SLCO1A2: variants seen among roughly 807,000 people sequenced by gnomAD.
SLCO1A2 encodes solute carrier organic anion transporter family member 1A2, also known as OATP-1.
SLCO1A2 carries 67 observed loss-of-function variants against 69.0 expected under a neutral mutation model. The ratio of observed to expected loss-of-function variants is 0.97; its 90% confidence interval spans 0.80 to 1.19. SLCO1A2 has a LOEUF of 1.19. Ranked by LOEUF, SLCO1A2 falls within the 50% of genes most tolerant of loss-of-function variation. SLCO1A2 has a pLI of 0.00. For missense variants in SLCO1A2, 787 were observed against 793.7 expected (o/e 0.99, Z 0.10); for synonymous variants, 260 against 265.9 (o/e 0.98, Z 0.22).
chr12:21,308,973 G>A (rs1022598587), intron 4 of SLCO1A2, among the ~76,000 whole-genome samples: 20 of 152,300 alleles, frequency 1.3e-4, no homozygotes, highest in African/African-American at 4.8e-4. Context: ...GGAGGAGCCA[G>A]AGACCAAGAA....
At chr12:21,320,805 C>G (rs950641744) in intron 2 of SLCO1A2, among the ~76,000 whole-genome samples, 2 of 152,118 alleles carry the variant, frequency 1.3e-5, no homozygotes, top group African/African-American at 4.8e-5. Flanking sequence ...AGGCTTTTCT[C>G]TCTATTTTCA....
intron 1 of SLCO1A2, among the ~76,000 whole-genome samples, chr12:21,394,337 G>C (rs1941311397): frequency 6.6e-6 from 1 of 151,506 alleles, no homozygotes; most frequent in Admixed American, 6.6e-5. Flanking sequence ...TTTGAGACCA[G>C]CCTTGGCAAC....
chr12:21,285,859 C>T (rs1471305514), intron 12 of SLCO1A2, among the ~76,000 whole-genome samples: 1 of 152,038 alleles, frequency 6.6e-6, no homozygotes, highest in Non-Finnish European at 1.5e-5. Flanking sequence ...GGACGTATTT[C>T]AAAATAATAA....
intron 12 of SLCO1A2, among the ~76,000 whole-genome samples, chr12:21,282,539 A>T (rs1162108706): frequency 6.6e-6 from 1 of 152,174 alleles, no homozygotes; most frequent in Non-Finnish European, 1.5e-5. Flanking sequence ...CATAACAAGG[A>T]TGCCCACTTT....
intron 1 of SLCO1A2, among the ~76,000 whole-genome samples, chr12:21,414,126 C>T (rs1005274150): frequency 6.6e-6 from 1 of 152,120 alleles, no homozygotes; most frequent in African/African-American, 2.4e-5. Flanking sequence ...CTATCTCCAA[C>T]CTTCCCCCTG....
intron 2 of SLCO1A2, among the ~76,000 whole-genome samples, chr12:21,327,275 G>A (rs973193814): frequency 4.6e-5 from 7 of 152,198 alleles, no homozygotes; most frequent in Non-Finnish European, 7.3e-5. Context: ...GCAGAGGTAT[G>A]CTGCAGAGGC....
chr12:21,319,299 A>T (rs1951281335), intron 2 of SLCO1A2: 1 of 1,319,328 alleles, frequency 7.6e-7, no homozygotes, highest in Non-Finnish European at 1.0e-6. Flanking sequence ...AGAATGCAGA[A>T]TTATACAAAG....
In SLCO1A2 at chr12:21,318,749, ACAAAAAGAAGAAATG is replaced by A; in HGVS notation, c.202+18_202+32del. The A allele has an allele frequency of 6.4e-7, 1 of 1,572,136 alleles. No homozygotes were observed. The highest frequency in any genetic ancestry group is 8.6e-7 in the Non-Finnish European group (1 of 1,160,076). On this transcript the variant is annotated intron_variant, in intron 3 of 14. Transcript: ENST00000683939. Reference sequence around the variant, plus strand: ...ACTAGCTCCACAGATAAGACAAAATACAAAAAGAAGAAATGCAAAAATAATTCATTACCAATCTCA... The same window carrying A: ...ACTAGCTCCACAGATAAGACAAAATACAAAAATAATTCATTACCAATCTCA...
intron 1 of SLCO1A2, among the ~76,000 whole-genome samples, chr12:21,393,313 CT>C (rs1941253346): frequency 6.6e-6 from 1 of 152,106 alleles, no homozygotes; most frequent in Non-Finnish European, 1.5e-5. Flanking sequence ...CAAAAGCAAT[CT>C]AGGTAACAAT....
upstream of SLCO1A2, among the ~76,000 whole-genome samples, chr12:21,400,418 C>T (rs1230935785): frequency 1.0e-3 from 156 of 151,660 alleles, no homozygotes; most frequent in African/African-American, 3.6e-3. Flanking sequence ...AACACTTTTA[C>T]ACTGTTGGTG....
intron 2 of SLCO1A2, among the ~76,000 whole-genome samples, chr12:21,330,085 T>A (rs1952507482): frequency 1.3e-5 from 2 of 152,074 alleles, no homozygotes; most frequent in Non-Finnish European, 2.9e-5. Context: ...AGTGAAATAT[T>A]ACTTCTACAT....
At position 21,274,370 on chromosome 12, in the gene SLCO1A2, A is replaced by G. The variant is rs1848349457; in HGVS notation, c.1793+99T>C. On this transcript the variant is annotated intron_variant, in intron 14 of 14. Transcript: ENST00000683939. Reference sequence around the variant, plus strand: ...CTCTGCTGGAAATAACCACAAAAGTATTCTTTTCACTTGACAAAGAAAAAG... The same window carrying G: ...CTCTGCTGGAAATAACCACAAAAGTGTTCTTTTCACTTGACAAAGAAAAAG... The G allele has an allele frequency of 5.7e-6, 4 of 696,438 alleles. No individual in the cohort carries two copies. In the South Asian group the frequency reaches 6.1e-5, roughly 11 times the overall value. The allele number at this position is 696,438 out of a possible 1,614,324, so 43.1% of individuals were successfully genotyped here. A position where few individuals can be genotyped will look rare whatever the true frequency, so the allele number is the denominator to read the frequency against.
At chr12:21,367,644 ATACTCACAGCATAT>A (rs1939491031) in intron 2 of SLCO1A2, among the ~76,000 whole-genome samples, 1 of 152,140 alleles carries the variant, frequency 6.6e-6, no homozygotes, top group Admixed American at 6.5e-5. Flanking sequence ...AAAAAGGAAA[ATACTCACAGCATAT>A]TACTCAGTTC....
At chr12:21,289,230 C>T (rs1486326939) in intron 12 of SLCO1A2, among the ~76,000 whole-genome samples, 2 of 118,828 alleles carry the variant, frequency 1.7e-5, no homozygotes, top group Admixed American at 9.0e-5. Flanking sequence ...GTGTGTATGG[C>T]ATCACTAGAA....
At chr12:21,281,944 C>T (rs1356972213) in intron 12 of SLCO1A2, among the ~76,000 whole-genome samples, 1 of 151,954 alleles carries the variant, frequency 6.6e-6, no homozygotes, top group Non-Finnish European at 1.5e-5. Context: ...GTAATAAAGT[C>T]TCCAGCAAAG....
Position 21,269,781 on chromosome 12 carries a change from A to C in SLCO1A2, c.1794-14T>G, listed in dbSNP as rs1942458745. The stretch of plus-strand genomic sequence containing the variant: ...AGGTAGATGTATCTATTTTTTTAAA[A>C]GTTAAAACATATTAAATATTACATA... On this transcript the variant is annotated splice_polypyrimidine_tract_variant and intron_variant, in intron 14 of 14. Coordinates refer to ENST00000683939, the MANE Select transcript of SLCO1A2 (RefSeq NM_001386879.1). The C allele has an allele frequency of 3.1e-6, 5 of 1,592,270 alleles. No homozygotes were observed. The highest frequency in any genetic ancestry group is 4.3e-6 in the Non-Finnish European group (5 of 1,167,002).
At chr12:21,299,538 T>C (rs151057525) in intron 8 of SLCO1A2, among the ~76,000 whole-genome samples, 399 of 151,216 alleles carry the variant, frequency 2.6e-3, no homozygotes, top group African/African-American at 9.0e-3. Flanking sequence ...CTACCAAGTA[T>C]AGAGAGGTGG....
rs142350951 is a variant in SLCO1A2 at position 21,302,880 on chromosome 12, C to T, written c.589+1547G>A. ...CTAATTTTTGTGTTTTTAGTAGAGACGGGGTTTCATCATATTGATCAGGCT... is the reference window on the plus strand; with the variant it reads ...CTAATTTTTGTGTTTTTAGTAGAGATGGGGTTTCATCATATTGATCAGGCT... On this transcript the variant is annotated intron_variant, in intron 6 of 14. Transcript: ENST00000683939. 5.8e-3 allele frequency among the ~76,000 whole-genome samples: 873 copies of T among 151,496 alleles called. 10 individuals are homozygous for T. Among genetic ancestry groups the T allele is most frequent in the African/African-American group, 0.019 (802 of 41,260 alleles).
At chr12:21,402,520 A>G (rs922876499) in intron 1 of SLCO1A2, among the ~76,000 whole-genome samples, 1 of 152,100 alleles carries the variant, frequency 6.6e-6, no homozygotes, top group African/African-American at 2.4e-5. Flanking sequence ...GATTTATCAC[A>G]TACAATGGAA....
Sources: allele counts gnomAD v4.1 joint callset (sites outside exome capture counted in the v4.1 genomes callset), GRCh38; gene constraint gnomAD v4.1.1; transcripts MANE v1.5; gene names NCBI Gene and HGNC (gene_info 2026-07-23, HGNC 2026-07-21).